The following XIRP2 variants were observed in gnomAD, a reference collection of about 807,000 sequenced individuals.
XIRP2 encodes the protein xin actin binding repeat containing 2.
Under a neutral mutation model 277.0 loss-of-function variants are expected in XIRP2, and 236 were observed. The ratio of observed to expected loss-of-function variants is 0.85; its 90% CI spans 0.77 to 0.95. The LOEUF (loss-of-function observed/expected upper bound fraction) is 0.95, where lower values mean the gene tolerates loss of function less well. Among genes scored for constraint, XIRP2 ranks in the 40% least tolerant of loss-of-function variants. XIRP2 has a pLI of 0.00. For synonymous variants in XIRP2, 1,490 were observed against 1,416.5 expected, an observed-to-expected ratio of 1.05 and a Z score of -1.17; for missense variants, 4,640 against 4,157.5, an observed-to-expected ratio of 1.12 and a Z score of -3.19.
intron 2 of XIRP2, among the ~76,000 whole-genome samples, chr2:167,111,943 T>A (rs1196172191): frequency 2.0e-5 from 3 of 152,184 alleles, no homozygotes; most frequent in African/African-American, 7.2e-5. Context: ...TAGTTTGTGT[T>A]CACAGAGGTG....
intron 3 of XIRP2, among the ~76,000 whole-genome samples, chr2:167,172,511 C>A (rs1692726989): frequency 6.6e-6 from 1 of 152,160 alleles, no homozygotes; most frequent in Non-Finnish European, 1.5e-5. Flanking sequence ...CTTATTTCAT[C>A]CCTTATCCAC....
At chr2:167,096,573 T>C (rs1055098192) in intron 2 of XIRP2, among the ~76,000 whole-genome samples, 1 of 152,194 alleles carries the variant, frequency 6.6e-6, no homozygotes, top group Non-Finnish European at 1.5e-5. Context: ...ATCTTAGTTA[T>C]TTCTTGTCTT....
chr2:167,190,385 C>T (rs1693293889), intron 3 of XIRP2, among the ~76,000 whole-genome samples: 1 of 152,086 alleles, frequency 6.6e-6, no homozygotes, highest in Non-Finnish European at 1.5e-5. Context: ...CCACCCCTAC[C>T]CCCCACTCCT....
chr2:167,093,521 C>T (rs1462789986), intron 2 of XIRP2, among the ~76,000 whole-genome samples: 3 of 151,964 alleles, frequency 2.0e-5, no homozygotes, highest in Non-Finnish European at 2.9e-5. Flanking sequence ...CCTGTGCCCA[C>T]ATGTTCTCAT....
At chr2:167,075,671 C>T (rs546991618) in intron 2 of XIRP2, among the ~76,000 whole-genome samples, 16 of 152,018 alleles carry the variant, frequency 1.1e-4, no homozygotes, top group Non-Finnish European at 1.5e-4. Context: ...TTTTTAGTTT[C>T]GCTCTTGTCA....
At chr2:167,180,191 G>A (rs1308804834) in intron 3 of XIRP2, among the ~76,000 whole-genome samples, 1 of 151,922 alleles carries the variant, frequency 6.6e-6, no homozygotes, top group Non-Finnish European at 1.5e-5. Context: ...ATTTATAAGG[G>A]CATATCCAGA....
chr2:166,943,468 G>C (rs908588309), intron 2 of XIRP2, among the ~76,000 whole-genome samples: 1 of 152,170 alleles, frequency 6.6e-6, no homozygotes, highest in Non-Finnish European at 1.5e-5. Context: ...AGGTATGAAA[G>C]TAGTTGGCAT....
At chr2:166,907,004 C>A (rs925888726) in intron 2 of XIRP2, among the ~76,000 whole-genome samples, 2 of 152,110 alleles carry the variant, frequency 1.3e-5, no homozygotes, top group East Asian at 3.9e-4. Flanking sequence ...ATTTCAGAGT[C>A]TTTGTTAAAA....
At chr2:166,913,098 C>G (rs1001801765) in intron 2 of XIRP2, among the ~76,000 whole-genome samples, 2 of 152,190 alleles carry the variant, frequency 1.3e-5, no homozygotes, top group African/African-American at 2.4e-5. Flanking sequence ...ATCTCAAACT[C>G]CGTGCTGGGA....
intron 2 of XIRP2, among the ~76,000 whole-genome samples, chr2:167,123,499 CTT>C (rs761118943): frequency 7.1e-6 from 1 of 141,018 alleles, no homozygotes; most frequent in East Asian, 2.1e-4. Context: ...GAGAAAAAAA[CTT>C]TTTTTTGTTT....
chr2:166,985,904 A>G (rs2105439367), intron 2 of XIRP2, among the ~76,000 whole-genome samples: 1 of 152,276 alleles, frequency 6.6e-6, no homozygotes, highest in African/African-American at 2.4e-5. Flanking sequence ...CTGGGAAGAA[A>G]AGATACAAGT....
At chr2:167,138,605 G>C (rs932453283) in intron 3 of XIRP2, among the ~76,000 whole-genome samples, 1 of 152,128 alleles carries the variant, frequency 6.6e-6, no homozygotes, top group South Asian at 2.1e-4. Context: ...CACTCTAACA[G>C]TTGTTAAAAT....
chr2:167,117,132 T>C (rs1297020085), intron 2 of XIRP2, among the ~76,000 whole-genome samples: 2 of 152,174 alleles, frequency 1.3e-5, no homozygotes, highest in South Asian at 4.1e-4. Context: ...TATTACTTGG[T>C]TAATAGAATT....
Position 166,946,003 on chromosome 2 carries a change from G to C in XIRP2, c.408+42113G>C, listed in dbSNP as rs148856360. On this transcript the variant is annotated intron_variant, in intron 2 of 10. Transcript: ENST00000409195. ...ATGCCACCATTCAGTGAGTTCATTT[G>C]CCACCTTGGTCCACATCATTGCAAA... Among the ~76,000 whole-genome samples, 9 of 152,198 alleles carry C rather than the reference G, an allele frequency of 5.9e-5. No individual in the cohort carries two copies. The East Asian group carries it at 1.7e-3, about 29-fold the overall frequency.
intron 2 of XIRP2, among the ~76,000 whole-genome samples, chr2:166,972,170 C>G (rs776327203): frequency 1.3e-5 from 2 of 152,106 alleles, no homozygotes; most frequent in Non-Finnish European, 2.9e-5. Context: ...ATACATACAG[C>G]AAGGAGGCAG....
intron 3 of XIRP2, among the ~76,000 whole-genome samples, chr2:167,146,082 G>A (rs780704600): frequency 4.0e-5 from 6 of 150,282 alleles, no homozygotes; most frequent in Non-Finnish European, 8.9e-5. Context: ...TCAGATTTGG[G>A]AAAGAAGCGA....
chr2:166,921,489 C>T (rs1290536431), intron 2 of XIRP2, among the ~76,000 whole-genome samples: 2 of 152,128 alleles, frequency 1.3e-5, no homozygotes, highest in African/African-American at 2.4e-5. Context: ...AGTTTACATA[C>T]ATCGCTCCAT....
At chr2:167,043,057 G>A (rs1433700177) in intron 2 of XIRP2, among the ~76,000 whole-genome samples, 1 of 152,002 alleles carries the variant, frequency 6.6e-6, no homozygotes, top group Non-Finnish European at 1.5e-5. Flanking sequence ...TTACATGGAA[G>A]TTAAACAACC....
rs973186731 is a variant in XIRP2 at position 167,200,041 on chromosome 2, T to C, written c.563-10694T>C. ...TCTAAAACAGAGACTTTAGAAAGAA[T>C]AGGATAGCAACTAGTTTAAATAGAA... On this transcript the variant is annotated intron_variant, in intron 3 of 10. Transcript: ENST00000409195. Among the ~76,000 whole-genome samples the C allele has an allele frequency of 2.1e-4, 32 of 152,206 alleles. 1 individual carries two copies.
Sources: gnomAD v4.1 joint callset for allele counts (sites outside exome capture counted in the v4.1 genomes callset) on GRCh38, gnomAD v4.1.1 for gene constraint, MANE v1.5 for transcripts, NCBI Gene and HGNC (gene_info 2026-07-23, HGNC 2026-07-21) for gene names.